Variants in USP34 observed in about 807,000 individuals in gnomAD.
The protein encoded by USP34 is ubiquitin specific peptidase 34.
In USP34, 70 loss-of-function variants were observed where a neutral mutation model predicts 460.3. The ratio of observed to expected loss-of-function variants is 0.15; its 90% CI spans 0.13 to 0.19. USP34 has a LOEUF of 0.19. Among genes scored for constraint, USP34 ranks in the 10% least tolerant of loss-of-function variants. USP34 has a pLI of 1.00. For synonymous variants in USP34, 1,647 were observed against 1,405.3 expected, an observed-to-expected ratio of 1.17 and a Z score of -3.85; for missense variants, 3,985 against 4,236.2, an observed-to-expected ratio of 0.94 and a Z score of 1.65.
chr2:61,251,397 T>C (rs1209844293), intron 48 of USP34, among the ~76,000 whole-genome samples: 3 of 152,250 alleles, frequency 2.0e-5, no homozygotes, highest in African/African-American at 7.2e-5. Context: ...TACACTATTG[T>C]AGAAAATATT....
intron 27 of USP34, 32 bp downstream of exon 27, chr2:61,311,508 G>GAGAA (rs751187859): frequency 6.5e-7 from 1 of 1,534,334 alleles, no homozygotes; most frequent in East Asian, 2.3e-5. Context: ...AAGAGAGAAA[G>GAGAA]AGAAAGAGAA....
chr2:61,417,024 C>A, intron 2 of USP34: 1 of 1,313,704 alleles, frequency 7.6e-7, no homozygotes, highest in Non-Finnish European at 1.1e-6. Context: ...CCCACTTCTT[C>A]CAGATGTGGA....
At chr2:61,271,953 A>G (rs1572890057) in intron 41 of USP34, among the ~76,000 whole-genome samples, 1 of 152,334 alleles carries the variant, frequency 6.6e-6, no homozygotes, top group East Asian at 1.9e-4. Flanking sequence ...AAGAAAACCA[A>G]CTGCCTTTAA....
At chr2:61,265,276 C>A in intron 43 of USP34, 121 bp downstream of exon 43, 1 of 1,121,174 alleles carries the variant, frequency 8.9e-7, no homozygotes, top group Non-Finnish European at 1.3e-6. Flanking sequence ...TTACTGTAAT[C>A]AAATTTACTT....
chr2:61,221,751 G>C (rs1687593839), intron 65 of USP34, 145 bp from the exon 66 acceptor site: 3 of 647,802 alleles, frequency 4.6e-6, no homozygotes, highest in Middle Eastern at 4.0e-4. Flanking sequence ...ATGTGAACCT[G>C]AACTACCATA....
intron 33 of USP34, among the ~76,000 whole-genome samples, chr2:61,289,524 G>T (rs992250979): frequency 6.6e-6 from 1 of 152,008 alleles, no homozygotes; most frequent in African/African-American, 2.4e-5. Flanking sequence ...TGTACAAGAT[G>T]AGAGTTTCAC....
chr2:61,457,678 T>C (rs978818521), intron 1 of USP34, among the ~76,000 whole-genome samples: 1 of 151,932 alleles, frequency 6.6e-6, no homozygotes, highest in African/African-American at 2.4e-5. Flanking sequence ...GCTTGGGAAA[T>C]ATAGTGAAAC....
chr2:61,351,044 G>A (rs969275877), intron 10 of USP34, among the ~76,000 whole-genome samples: 4 of 152,164 alleles, frequency 2.6e-5, no homozygotes, highest in Admixed American at 1.3e-4. Context: ...GCAACATAGT[G>A]AGACCTCATC....
chr2:61,191,062 C>G (rs1184683734), intron 76 of USP34: 1 of 156,302 alleles, frequency 6.4e-6, no homozygotes, highest in Non-Finnish European at 1.4e-5. Context: ...CAAAAAGACA[C>G]ATTTTAAGAA....
intron 1 of USP34, among the ~76,000 whole-genome samples, chr2:61,463,433 G>C (rs1348221343): frequency 6.6e-6 from 1 of 152,146 alleles, no homozygotes; most frequent in Non-Finnish European, 1.5e-5. Context: ...ACAGAAATTT[G>C]TCTGAATTTT....
chr2:61,470,398 G>T (rs889076957), intron 1 of USP34, among the ~76,000 whole-genome samples: 2 of 151,634 alleles, frequency 1.3e-5, no homozygotes, highest in East Asian at 3.9e-4. Flanking sequence ...CTTTCCGAGA[G>T]CCCAGAGCGC....
intron 39 of USP34, 68 bp downstream of exon 39, chr2:61,280,176 A>T: frequency 1.1e-6 from 1 of 928,820 alleles, no homozygotes; most frequent in Non-Finnish European, 1.6e-6. Flanking sequence ...TAAAGTCATG[A>T]ACATATGTCA....
intron 41 of USP34, among the ~76,000 whole-genome samples, chr2:61,269,217 G>C (rs1245124563): frequency 1.3e-5 from 2 of 152,138 alleles, no homozygotes; most frequent in African/African-American, 4.8e-5. Flanking sequence ...GCTAGCGACA[G>C]TGGTGGGATC....
In USP34 at chr2:61,214,117, G is replaced by C; in HGVS notation, c.8625C>G (p.His2875Gln). Residue 2875 changes from histidine (H) to glutamine (Q), a missense_variant, in exon 68 of 80, where the codon CAC becomes CAG. By Grantham distance (24) the His-to-Gln change is conservative (BLOSUM62 0). Around this residue, in one of 14 missense-constraint regions of USP34, gnomAD observed 66 missense variants for 121.2 expected, o/e 0.54. Coordinates refer to ENST00000398571, the MANE Select transcript of USP34 (RefSeq NM_014709.4). Reference protein sequence around the residue: ...SPAFTRQLASHQNIQWAFKNL... With the variant: ...SPAFTRQLASQQNIQWAFKNL... ...TCTTAAAGGCCCACTGGATGTTCTG[G>C]TGAGAAGCCAGTTGTCGTGTGAATG... is the stretch of plus-strand genomic sequence containing the variant. 6.2e-7 allele frequency: 1 copy of C among 1,614,222 alleles called. No individual in the cohort carries two copies. Among genetic ancestry groups the C allele is most frequent in the Non-Finnish European group, 8.5e-7 (1 of 1,180,042 alleles).
chr2:61,263,960 C>G (rs950568130), intron 43 of USP34, among the ~76,000 whole-genome samples: 2 of 152,078 alleles, frequency 1.3e-5, no homozygotes, highest in African/African-American at 2.4e-5. Context: ...CTACTAATTC[C>G]TAGAAGTGTT....
rs1376123817 is a variant in USP34, at chr2:61,314,991, T to C, written c.3283-17A>G. 2.5e-6 allele frequency: 4 copies of C among 1,593,570 alleles called. No individual in the cohort carries two copies. The highest frequency in any genetic ancestry group is 2.2e-5 in the East Asian group (1 of 44,654). ...ACCACACAGCTAAGAAAGAAAAATA[T>C]GGTATCTCTAAATTTTGTTTGTCAA... On this transcript the variant is annotated splice_polypyrimidine_tract_variant and intron_variant, in intron 23 of 79. Coordinates refer to ENST00000398571, the MANE Select transcript of USP34 (RefSeq NM_014709.4).
At chr2:61,432,883 C>T (rs1480699755) in intron 1 of USP34, among the ~76,000 whole-genome samples, 1 of 152,084 alleles carries the variant, frequency 6.6e-6, no homozygotes, top group Non-Finnish European at 1.5e-5. Flanking sequence ...ACCAAGACCA[C>T]ATACCACATA....
intron 10 of USP34, among the ~76,000 whole-genome samples, chr2:61,367,514 A>C (rs554503556): frequency 1.3e-5 from 2 of 152,336 alleles, no homozygotes; most frequent in Admixed American, 6.5e-5. Flanking sequence ...ATGGGAAGTC[A>C]AAGAAAATAC....
intron 27 of USP34, among the ~76,000 whole-genome samples, chr2:61,305,274 G>A (rs756555135): frequency 5.3e-5 from 8 of 151,768 alleles, no homozygotes; most frequent in Non-Finnish European, 1.2e-4. Flanking sequence ...ACTGAGCCGA[G>A]ATTACGCCAC....
Sources: gnomAD v4.1 joint callset for allele counts (sites outside exome capture counted in the v4.1 genomes callset) on GRCh38, gnomAD v4.1.1 for gene constraint, gnomAD v4.1.1 regional missense constraint, MANE v1.5 for transcripts, NCBI Gene and HGNC (gene_info 2026-07-23, HGNC 2026-07-21) for gene names.